Variants in NPAS3 observed in about 807,000 individuals in gnomAD.
NPAS3 encodes neuronal PAS domain protein 3.
NPAS3 carries 14 observed loss-of-function variants against 73.1 expected under a neutral mutation model. The observed-to-expected ratio is 0.19, with a 90% confidence interval of 0.13 to 0.30. NPAS3 has a LOEUF of 0.30. Among genes scored for constraint, NPAS3 ranks in the 10% least tolerant of loss-of-function variants. The pLI is 1.00. For synonymous variants in NPAS3, 620 were observed against 541.5 expected (o/e 1.14, Z -2.01); for missense variants, 1,096 against 1,250.0 (o/e 0.88, Z 1.86).
intron 1 of NPAS3, among the ~76,000 whole-genome samples, chr14:33,028,145 G>C (rs577870870): frequency 1.3e-5 from 2 of 152,158 alleles, no homozygotes; most frequent in Non-Finnish European, 2.9e-5. Flanking sequence ...GTGAATCTTA[G>C]TTACTCTCTG....
intron 5 of NPAS3, among the ~76,000 whole-genome samples, chr14:33,636,124 T>A (rs1008186713): frequency 7.2e-5 from 11 of 152,142 alleles, no homozygotes; most frequent in African/African-American, 2.7e-4. Context: ...TTCTCCACGT[T>A]AGTCAGGCTG....
chr14:33,659,640 A>G (rs1444155146), intron 5 of NPAS3, among the ~76,000 whole-genome samples: 1 of 152,216 alleles, frequency 6.6e-6, no homozygotes, highest in Non-Finnish European at 1.5e-5. Flanking sequence ...CAGTCAGCCA[A>G]AGCCATTAGA....
intron 4 of NPAS3, among the ~76,000 whole-genome samples, chr14:33,376,018 G>A (rs1414095565): frequency 6.6e-6 from 1 of 152,072 alleles, no homozygotes; most frequent in African/African-American, 2.4e-5. Context: ...TTTCACTGGA[G>A]AATCTTATTG....
At chr14:33,301,353 T>C (rs1482048775) in intron 3 of NPAS3, among the ~76,000 whole-genome samples, 1 of 140,096 alleles carries the variant, frequency 7.1e-6, no homozygotes, top group African/African-American at 2.7e-5. Context: ...CTGTAATGGG[T>C]TATTTCATAA....
intron 2 of NPAS3, among the ~76,000 whole-genome samples, chr14:33,116,147 T>C (rs1231063663): frequency 6.6e-6 from 1 of 152,118 alleles, no homozygotes; most frequent in African/African-American, 2.4e-5. Flanking sequence ...AAAATGCCAC[T>C]CTTCTCAGTG....
At chr14:33,029,193 C>T (rs1487667884) in intron 1 of NPAS3, among the ~76,000 whole-genome samples, 1 of 152,096 alleles carries the variant, frequency 6.6e-6, no homozygotes, top group Non-Finnish European at 1.5e-5. Flanking sequence ...TTCACAGCAC[C>T]ACTGGAAAGA....
At chr14:33,418,743 A>G (rs1012951538) in intron 4 of NPAS3, among the ~76,000 whole-genome samples, 2 of 151,992 alleles carry the variant, frequency 1.3e-5, no homozygotes, top group Non-Finnish European at 2.9e-5. Context: ...TTGCATTTGA[A>G]TATTTCCGCA....
At chr14:33,801,375 C>A (rs2063711787), downstream of NPAS3, 5 of 543,628 alleles carry the variant, frequency 9.2e-6, no homozygotes, top group Non-Finnish European at 1.6e-5. Flanking sequence ...GTTTTGCTTT[C>A]CTTTGCATCT....
In NPAS3 at chr14:33,544,788, TTATATATATA is replaced by T. The variant is rs71406561; in HGVS notation, c.469-15319_469-15310del. ...GCATGTATGTGTTTATGTGTGTGTA[TTATATATATA>T]TATATATATATATGTATATATAATA... On this transcript the variant is annotated intron_variant, in intron 4 of 11. Coordinates refer to ENST00000356141, the Ensembl canonical transcript of NPAS3. Among the ~76,000 whole-genome samples, 38 of 63,266 alleles carry T rather than the reference TTATATATATA, an allele frequency of 6.0e-4. 3 individuals are homozygous for T. Among genetic ancestry groups the T allele is most frequent in the Non-Finnish European group, 7.9e-4 (27 of 34,120 alleles). The allele number at this position is 63,266 out of a possible 152,430, so 41.5% of individuals were successfully genotyped here.
At chr14:33,624,937 C>T (rs2058180081) in intron 5 of NPAS3, among the ~76,000 whole-genome samples, 1 of 152,158 alleles carries the variant, frequency 6.6e-6, no homozygotes, top group South Asian at 2.1e-4. Flanking sequence ...TGAATGAATA[C>T]AGCCAGAACT....
chr14:33,632,225 C>G (rs2058397635), intron 5 of NPAS3, among the ~76,000 whole-genome samples: 1 of 152,128 alleles, frequency 6.6e-6, no homozygotes, highest in Non-Finnish European at 1.5e-5. Flanking sequence ...CAACTTTAGC[C>G]ATACCTGAGT....
intron 3 of NPAS3, among the ~76,000 whole-genome samples, chr14:33,288,499 A>C (rs967881720): frequency 3.3e-5 from 5 of 152,082 alleles, no homozygotes; most frequent in Non-Finnish European, 5.9e-5. Flanking sequence ...TACTTCAAAA[A>C]TCCATTCTAT....
At chr14:33,443,777 G>C (rs905290781) in intron 4 of NPAS3, among the ~76,000 whole-genome samples, 2 of 152,210 alleles carry the variant, frequency 1.3e-5, no homozygotes. Flanking sequence ...GCAGGAAAGT[G>C]GGGAGCCCAG....
At chr14:33,245,377 A>C (rs748191388) in intron 3 of NPAS3, among the ~76,000 whole-genome samples, 1 of 152,156 alleles carries the variant, frequency 6.6e-6, no homozygotes, top group Non-Finnish European at 1.5e-5. Context: ...AAGAACCACA[A>C]TTCAAACCCA....
At chr14:32,944,080 A>G (rs1566786473) in intron 1 of NPAS3, among the ~76,000 whole-genome samples, 4 of 152,222 alleles carry the variant, frequency 2.6e-5, no homozygotes, top group Non-Finnish European at 2.9e-5. Context: ...GTGCTTTACT[A>G]TTAATAATGA....
intron 7 of NPAS3, among the ~76,000 whole-genome samples, chr14:33,742,001 A>G (rs576820693): frequency 1.8e-3 from 272 of 152,100 alleles, no homozygotes; most frequent in Non-Finnish European, 3.3e-3. Context: ...CCTATATATA[A>G]TGTCTTTTAA....
intron 4 of NPAS3, among the ~76,000 whole-genome samples, chr14:33,436,001 G>C (rs1190774855): frequency 6.6e-6 from 1 of 152,200 alleles, no homozygotes; most frequent in Non-Finnish European, 1.5e-5. Context: ...CCCTAGAACA[G>C]TAATTCTGCA....
At position 33,395,406 on chromosome 14, in the gene NPAS3, G is replaced by GTT. The variant is rs33960337; in HGVS notation, c.468+28147_468+28148dup. 2.8e-3 allele frequency among the ~76,000 whole-genome samples: 420 copies of GTT among 149,730 alleles called. 3 individuals are homozygous for GTT. Among genetic ancestry groups the GTT allele is most frequent in the African/African-American group, 9.6e-3 (395 of 41,008 alleles). On this transcript the variant is annotated intron_variant, in intron 4 of 11. Coordinates refer to ENST00000356141, the Ensembl canonical transcript of NPAS3. ...AGATTATTACTACATCATAGTTCAA[G>GTT]TTTTTTTTTTACCTTGGTAAATAAA...
At chr14:33,390,369 A>G (rs1018831870) in intron 4 of NPAS3, among the ~76,000 whole-genome samples, 16 of 152,166 alleles carry the variant, frequency 1.1e-4, no homozygotes, top group Admixed American at 6.5e-5. Flanking sequence ...GTCTGAGAGA[A>G]AGGTAGAAGA....
Sources: gnomAD v4.1 joint callset for allele counts (sites outside exome capture counted in the v4.1 genomes callset) on GRCh38, gnomAD v4.1.1 for gene constraint, MANE v1.5 for transcripts, NCBI Gene and HGNC (gene_info 2026-07-23, HGNC 2026-07-21) for gene names.